USP34: variants seen among roughly 807,000 people sequenced by gnomAD.
The protein encoded by USP34 is ubiquitin specific peptidase 34.
A neutral mutation model predicts 460.3 loss-of-function variants in USP34; 70 were observed. The ratio of observed to expected loss-of-function variants is 0.15; its 90% CI spans 0.13 to 0.19. USP34 has a LOEUF of 0.19. Among genes scored for constraint, USP34 ranks in the 10% least tolerant of loss-of-function variants. The pLI is 1.00. For missense variants in USP34, 3,985 were observed against 4,236.2 expected, an observed-to-expected ratio of 0.94 and a Z score of 1.65; for synonymous variants, 1,647 against 1,405.3, an observed-to-expected ratio of 1.17 and a Z score of -3.85.
Position 61,188,234 on chromosome 2 carries a change from A to G in USP34, c.10509T>C (p.Ser3503=), listed in dbSNP as rs1558454464. Residue 3503 remains serine, a synonymous_variant, in exon 80 of 80, where the codon AGT becomes AGC. Coordinates refer to ENST00000398571, the MANE Select transcript of USP34 (RefSeq NM_014709.4). ...SQDPEVALSL[S]CGHSRGLFSH... is the part of the protein sequence containing the mutation. ...TAAAGAGTCCTCTGGAATGGCCACA[A>G]CTGAGAGATAAAGCAACCTCAGGGT... is the stretch of plus-strand genomic sequence containing the variant. 1 of 1,614,180 alleles carries G rather than the reference A, an allele frequency of 6.2e-7. No homozygotes were observed. Among genetic ancestry groups the G allele is most frequent in the Admixed American group, 1.7e-5 (1 of 60,022 alleles).
chr2:61,318,153 A>T (rs1572929912), intron 22 of USP34, among the ~76,000 whole-genome samples: 1 of 148,370 alleles, frequency 6.7e-6, no homozygotes, highest in East Asian at 2.0e-4. Context: ...TGATCACACT[A>T]CTGCACTCCA....
At chr2:61,304,235 G>A (rs984842252) in intron 27 of USP34, among the ~76,000 whole-genome samples, 4 of 152,134 alleles carry the variant, frequency 2.6e-5, no homozygotes, top group Non-Finnish European at 4.4e-5. Flanking sequence ...AACTTGATGA[G>A]ACAATTAAAT....
Position 61,265,980 on chromosome 2 carries a change from T to G in USP34, c.5617+4A>C. On this transcript the variant is annotated splice_donor_region_variant and intron_variant, in intron 42 of 79. Coordinates refer to ENST00000398571, the MANE Select transcript of USP34 (RefSeq NM_014709.4). The stretch of plus-strand genomic sequence containing the variant: ...AAAGATTAAAGGAAAAGAAGAATGC[T>G]TACACTGCATGTGTTGTGCCATAAC... 1 of 1,583,484 alleles carries G rather than the reference T, an allele frequency of 6.3e-7. No individual in the cohort carries two copies. The highest frequency in any genetic ancestry group is 8.6e-7 in the Non-Finnish European group (1 of 1,159,266).
chr2:61,421,309 G>C (rs916959251), intron 1 of USP34, among the ~76,000 whole-genome samples: 5 of 152,168 alleles, frequency 3.3e-5, no homozygotes, highest in African/African-American at 1.2e-4. Context: ...TCCTCTCAGA[G>C]GTATCAGCAG....
intron 1 of USP34, among the ~76,000 whole-genome samples, chr2:61,446,567 G>T (rs891605811): frequency 2.0e-5 from 3 of 151,954 alleles, no homozygotes; most frequent in Admixed American, 6.6e-5. Context: ...AAGCCAAGGC[G>T]GGCAGATCAC....
intron 2 of USP34, among the ~76,000 whole-genome samples, chr2:61,411,504 C>T (rs558336505): frequency 4.6e-5 from 7 of 152,224 alleles, no homozygotes; most frequent in Admixed American, 6.5e-5. Flanking sequence ...TATCTCAAAG[C>T]GAAAGATTGA....
chr2:61,421,790 C>CAA (rs1694365091), intron 1 of USP34, among the ~76,000 whole-genome samples: 1 of 147,720 alleles, frequency 6.8e-6, no homozygotes, highest in Non-Finnish European at 1.5e-5. Flanking sequence ...CACACACACA[C>CAA]ACACACACGC....
In USP34 at chr2:61,223,090, C is replaced by T. The variant is rs748879195; in HGVS notation, c.7719G>A (p.Leu2573=). The change falls in exon 64 of 80, where the codon CTG becomes CTA. Residue 2573 remains leucine, a synonymous_variant. Coordinates refer to ENST00000398571, the MANE Select transcript of USP34 (RefSeq NM_014709.4). The part of the protein sequence containing the change: ...IRQTCNLIFS[L]CRYNNRLAEH... The stretch of plus-strand genomic sequence containing the variant: ...CTGCAAGTCGATTATTGTATCGACA[C>T]AGGCTGAAAATCAGATTACAAGTTT... 6.2e-7 allele frequency: 1 copy of T among 1,613,876 alleles called. No homozygotes were observed. Among genetic ancestry groups the T allele is most frequent in the South Asian group, 1.1e-5 (1 of 91,044 alleles).
At chr2:61,447,273 A>AC (rs975493451) in intron 1 of USP34, among the ~76,000 whole-genome samples, 1 of 150,108 alleles carries the variant, frequency 6.7e-6, no homozygotes, top group Non-Finnish European at 1.5e-5. Context: ...AAAAAAAAAA[A>AC]AAAAAAAAAC....
chr2:61,230,123 T>C (rs1312396832), intron 58 of USP34, among the ~76,000 whole-genome samples: 1 of 152,164 alleles, frequency 6.6e-6, no homozygotes, highest in African/African-American at 2.4e-5. Context: ...TACCACTTCA[T>C]ACCTTCTAGG....
chr2:61,224,842 C>T (rs1299221119), intron 62 of USP34, among the ~76,000 whole-genome samples: 14 of 152,168 alleles, frequency 9.2e-5, no homozygotes, highest in Admixed American at 9.2e-4. Context: ...TAGAAACCTC[C>T]GTAAGTTGGC....
intron 10 of USP34, among the ~76,000 whole-genome samples, chr2:61,360,149 G>C (rs898487648): frequency 1.7e-4 from 26 of 148,988 alleles, no homozygotes; most frequent in African/African-American, 6.3e-4. Context: ...ATCCAGGAAA[G>C]GCAAGGATGC....
At position 61,314,856 on chromosome 2, in the gene USP34, A is replaced by C. The variant is rs775663553; in HGVS notation, c.3382+19T>G. On this transcript the variant is annotated intron_variant, in intron 24 of 79. Transcript: ENST00000398571. ...CTCACATAGAAATTACCTATCAGAC[A>C]ATGTTTCAAATCACTTACCATTAAT... is the stretch of plus-strand genomic sequence containing the variant. 22 of 1,601,254 alleles carry C rather than the reference A, an allele frequency of 1.4e-5. No homozygotes were observed. Among genetic ancestry groups the C allele is most frequent in the Non-Finnish European group, 1.6e-5 (19 of 1,176,520 alleles).
At chr2:61,309,206 T>C (rs2103665698) in intron 27 of USP34, among the ~76,000 whole-genome samples, 1 of 152,332 alleles carries the variant, frequency 6.6e-6, no homozygotes, top group East Asian at 1.9e-4. Context: ...ATTTATCATT[T>C]GGGTATGAAA....
intron 32 of USP34, 94 bp from the exon 33 acceptor site, chr2:61,293,644 G>C: frequency 1.2e-6 from 1 of 841,364 alleles, no homozygotes; most frequent in Non-Finnish European, 1.9e-6. Flanking sequence ...AAAATATTAC[G>C]TATCTTTTAT....
intron 43 of USP34, 67 bp from the exon 44 acceptor site, chr2:61,259,843 A>G: frequency 6.7e-7 from 1 of 1,492,172 alleles, no homozygotes; most frequent in South Asian, 1.1e-5. Context: ...CATTCTAGCA[A>G]AGAAAGTCTT....
intron 68 of USP34, among the ~76,000 whole-genome samples, chr2:61,213,097 C>G (rs1454013004): frequency 6.6e-6 from 1 of 152,076 alleles, no homozygotes; most frequent in Non-Finnish European, 1.5e-5. Flanking sequence ...CTCAATGCAG[C>G]CTCAACCTCC....
intron 18 of USP34, 67 bp downstream of exon 18, chr2:61,339,281 TCAA>T: frequency 1.4e-6 from 2 of 1,468,108 alleles, no homozygotes; most frequent in South Asian, 1.3e-5. Flanking sequence ...TCACACCTAG[TCAA>T]CAAGAATGTC....
chr2:61,389,153 A>G (rs111526654), intron 5 of USP34, among the ~76,000 whole-genome samples: 1 of 152,188 alleles, frequency 6.6e-6, no homozygotes, highest in African/African-American at 2.4e-5. Context: ...GATCAGCATT[A>G]AAGGATGAAT....
Sources: gnomAD v4.1 joint callset for allele counts (sites outside exome capture counted in the v4.1 genomes callset) on GRCh38, gnomAD v4.1.1 for gene constraint, MANE v1.5 for transcripts, NCBI Gene and HGNC (gene_info 2026-07-23, HGNC 2026-07-21) for gene names.